The following SNX29 variants were observed in gnomAD, a reference collection of about 807,000 sequenced individuals.
SNX29 encodes sorting nexin-29.
In SNX29, 78 loss-of-function variants were observed where a neutral mutation model predicts 102.1. The observed-to-expected ratio is 0.76, with a 90% CI of 0.64 to 0.92. The LOEUF (loss-of-function observed/expected upper bound fraction) is 0.92. Ranked by LOEUF, SNX29 falls within the 40% of genes least tolerant of loss-of-function variation. The pLI is 0.00. For missense variants in SNX29, 1,280 were observed against 1,061.7 expected, an observed-to-expected ratio of 1.21 and a Z score of -2.86; for synonymous variants, 580 against 414.5, an observed-to-expected ratio of 1.40 and a Z score of -4.85.
chr16:12,001,571 CAA>C (rs1347431214), intron 2 of SNX29, among the ~76,000 whole-genome samples: 1 of 151,836 alleles, frequency 6.6e-6, no homozygotes, highest in Non-Finnish European at 1.5e-5. Flanking sequence ...TGTGTTTTGA[CAA>C]ATATGTCATT....
intron 4 of SNX29, 127 bp from the exon 5 acceptor site, chr16:12,042,770 C>T (rs1246699349): frequency 4.2e-6 from 4 of 946,418 alleles, no homozygotes; most frequent in Non-Finnish European, 6.3e-6. Context: ...GTGTTATCTC[C>T]TACCTTTTCC....
At chr16:12,386,346 C>G (rs1232815921) in intron 16 of SNX29, among the ~76,000 whole-genome samples, 1 of 152,166 alleles carries the variant, frequency 6.6e-6, no homozygotes, top group East Asian at 1.9e-4. Flanking sequence ...CTCATTGAAT[C>G]CTTACAACAA....
At chr16:12,535,402 C>T (rs1031882241) in intron 20 of SNX29, among the ~76,000 whole-genome samples, 1 of 152,232 alleles carries the variant, frequency 6.6e-6, no homozygotes, top group African/African-American at 2.4e-5. Flanking sequence ...TCCCAAAGTG[C>T]TGGGATTACA....
At chr16:12,206,427 A>C (rs2077045884) in intron 14 of SNX29, among the ~76,000 whole-genome samples, 1 of 149,966 alleles carries the variant, frequency 6.7e-6, no homozygotes, top group Non-Finnish European at 1.5e-5. Context: ...ATGTTTGCAG[A>C]TTTCCGTGGT....
intron 20 of SNX29, among the ~76,000 whole-genome samples, chr16:12,563,511 C>A (rs1157495640): frequency 1.3e-5 from 2 of 152,148 alleles, no homozygotes; most frequent in Non-Finnish European, 2.9e-5. Context: ...GAGACTCCTC[C>A]CCGCATGTGA....
chr16:12,399,334 G>T (rs2083847259), intron 17 of SNX29, among the ~76,000 whole-genome samples: 1 of 152,178 alleles, frequency 6.6e-6, no homozygotes, highest in Non-Finnish European at 1.5e-5. Context: ...TTACAGTTGG[G>T]AGCCACCGTG....
At chr16:12,424,243 G>A (rs995073710) in intron 18 of SNX29, among the ~76,000 whole-genome samples, 1 of 152,236 alleles carries the variant, frequency 6.6e-6, no homozygotes, top group African/African-American at 2.4e-5. Context: ...CAGAGTGTGG[G>A]TCTGTCTAGG....
At chr16:12,508,333 A>G (rs562752315) in intron 19 of SNX29, among the ~76,000 whole-genome samples, 1 of 152,322 alleles carries the variant, frequency 6.6e-6, no homozygotes, top group Non-Finnish European at 1.5e-5. Context: ...TGGCCTTCAG[A>G]AGCATGGACC....
intron 16 of SNX29, among the ~76,000 whole-genome samples, chr16:12,382,720 C>G (rs758471558): frequency 1.6e-4 from 24 of 152,190 alleles, no homozygotes; most frequent in Non-Finnish European, 2.9e-4. Context: ...GCTGTGTTCC[C>G]CCTGGAGGCT....
chr16:12,007,450 A>G, intron 3 of SNX29, among the ~76,000 whole-genome samples: 1 of 152,078 alleles, frequency 6.6e-6, no homozygotes, highest in Admixed American at 6.5e-5. Flanking sequence ...GGTTGCAGTA[A>G]GCCGAGATCA....
chr16:12,133,859 T>A (rs2054562664), intron 13 of SNX29, among the ~76,000 whole-genome samples: 1 of 152,172 alleles, frequency 6.6e-6, no homozygotes, highest in African/African-American at 2.4e-5. Flanking sequence ...AAGTATGCGC[T>A]TGTGTATATG....
intron 19 of SNX29, among the ~76,000 whole-genome samples, chr16:12,509,330 G>T (rs534524909): frequency 2.6e-4 from 39 of 152,286 alleles, no homozygotes; most frequent in African/African-American, 9.4e-4. Context: ...CCCTCAGCTG[G>T]TCCAGGGCCC....
intron 18 of SNX29, among the ~76,000 whole-genome samples, chr16:12,407,132 C>T (rs143047149): frequency 1.5e-3 from 234 of 151,962 alleles, no homozygotes; most frequent in Admixed American, 3.3e-3. Context: ...AGAAGGACCA[C>T]ACTGGCCATG....
At chr16:12,517,497 T>TTC (rs1391555048) in intron 19 of SNX29, among the ~76,000 whole-genome samples, 1 of 152,194 alleles carries the variant, frequency 6.6e-6, no homozygotes, top group African/African-American at 2.4e-5. Flanking sequence ...GGGATCTTTG[T>TTC]TCTCTCTCTC....
At chr16:12,237,322 C>G (rs1217010083) in intron 14 of SNX29, among the ~76,000 whole-genome samples, 3 of 152,248 alleles carry the variant, frequency 2.0e-5, no homozygotes, top group African/African-American at 7.2e-5. Context: ...AGGTGGGGAG[C>G]TGTGCCTCTG....
intron 14 of SNX29, among the ~76,000 whole-genome samples, chr16:12,228,742 G>A (rs1271309130): frequency 6.6e-6 from 1 of 152,090 alleles, no homozygotes; most frequent in South Asian, 2.1e-4. Context: ...TGTTTTTCCC[G>A]CCTCAGGGCT....
intron 13 of SNX29, among the ~76,000 whole-genome samples, chr16:12,171,038 G>A (rs929949934): frequency 6.6e-6 from 1 of 152,036 alleles, no homozygotes; most frequent in African/African-American, 2.4e-5. Context: ...GCAGCTTGGA[G>A]GAGAGCTTGG....
chr16:12,065,266 G>A (rs1052220597), intron 9 of SNX29, among the ~76,000 whole-genome samples: 3 of 152,204 alleles, frequency 2.0e-5, no homozygotes, highest in African/African-American at 7.2e-5. Flanking sequence ...TCCTCTGGGA[G>A]TATGTGGTGT....
intron 19 of SNX29, among the ~76,000 whole-genome samples, chr16:12,483,089 A>G (rs1185845676): frequency 6.9e-6 from 1 of 145,524 alleles, no homozygotes; most frequent in Admixed American, 7.0e-5. Flanking sequence ...GTCAAGCCAC[A>G]ATAGATACAT....
Sources: gnomAD v4.1 joint callset for allele counts (sites outside exome capture counted in the v4.1 genomes callset) on GRCh38, gnomAD v4.1.1 for gene constraint, MANE v1.5 for transcripts, NCBI Gene and HGNC (gene_info 2026-07-23, HGNC 2026-07-21) for gene names.